PGAP6: variants seen among roughly 807,000 people sequenced by gnomAD.
The protein encoded by PGAP6 is post-GPI attachment to proteins factor 6.
A neutral mutation model predicts 68.4 loss-of-function variants in PGAP6; 62 were observed. That is an observed-to-expected ratio of 0.91 (90% CI 0.74 to 1.12). The LOEUF is 1.12. PGAP6 is among the 50% of genes most tolerant of loss of function. PGAP6 has a pLI of 0.00. For synonymous variants in PGAP6, 575 were observed against 474.0 expected (o/e 1.21, Z -2.77); for missense variants, 1,188 against 1,068.5 (o/e 1.11, Z -1.56).
chr16:378,440 G>A lies in PGAP6; in HGVS notation c.122-592C>T, dbSNP rs878859040. On this transcript the variant is annotated intron_variant, in intron 1 of 12. Transcript: ENST00000431232. ...GCCACCCACACTGCCATCCCCACCC[G>A]CACTGCCATCGCCACCCACACTGCC... is the stretch of plus-strand genomic sequence containing the variant. Among the ~76,000 whole-genome samples the A allele has an allele frequency of 3.5e-4, 20 of 57,412 alleles. 1 individual carries two copies. Among genetic ancestry groups the A allele is most frequent in the Admixed American group, 5.3e-4 (3 of 5,626 alleles). 37.7% of individuals were successfully genotyped at this position (57,412 alleles called of 152,430 possible).
chr16:385,677 T>C (rs1222033725), upstream of PGAP6, among the ~76,000 whole-genome samples: 71 of 121,086 alleles, frequency 5.9e-4, no homozygotes, highest in African/African-American at 2.3e-3. Context: ...CAGGCTGGAG[T>C]GCAGTGGCGC....
Position 381,334 on chromosome 16 carries a change from C to T in PGAP6, c.121+367G>A, listed in dbSNP as rs1006556953. Among the ~76,000 whole-genome samples, 9 of 152,342 alleles carry T rather than the reference C, an allele frequency of 5.9e-5. No individual in the cohort carries two copies. In the South Asian group the frequency reaches 1.7e-3, roughly 28 times the overall value. On this transcript the variant is annotated intron_variant, in intron 1 of 12. Transcript: ENST00000431232. ...TCTCAGGCCGGACCCGGCCGGTGAG[C>T]TCACGGCCCAGCCACTCCTCCCAGC... is the stretch of plus-strand genomic sequence containing the variant.
rs535340088 is a variant in PGAP6, at chr16:372,119, C to G, written c.2184G>C (p.Leu728=). The change falls in exon 13 of 13, where the codon CTG becomes CTC. Residue 728 remains leucine (L), a synonymous_variant. Coordinates refer to ENST00000431232, the MANE Select transcript of PGAP6 (RefSeq NM_021259.3). The part of the protein sequence containing the change: ...YYYTHSIWHI[L]LAGSAALLLP... ...GCAGCAAGGCTGCGCTCCCGGCCAG[C>G]AGGATGTGCCAGATGCTGTGGGTGT... 2 of 1,612,772 alleles carry G rather than the reference C, an allele frequency of 1.2e-6. No homozygotes were observed. Among genetic ancestry groups the G allele is most frequent in the Admixed American group, 1.7e-5 (1 of 59,994 alleles).
At chr16:385,600 A>T (rs138237596), upstream of PGAP6, among the ~76,000 whole-genome samples, 2,639 of 131,906 alleles carry the variant, frequency 0.02, 148 homozygotes, top group African/African-American at 0.063. Flanking sequence ...CATGAGCCAC[A>T]GCGCCCGGCC....
chr16:380,304 T>C (rs12921174), intron 1 of PGAP6, among the ~76,000 whole-genome samples: 68,417 of 151,566 alleles, frequency 0.45, 15,592 homozygotes, highest in South Asian at 0.58. Context: ...CAGCCTCAGC[T>C]TCCTATGTAA....
chr16:375,219 C>T lies in PGAP6; in HGVS notation c.1353G>A (p.Trp451Ter). 1.2e-6 allele frequency: 2 copies of T among 1,613,304 alleles called. No homozygotes were observed. The highest frequency in any genetic ancestry group is 1.7e-6 in the Non-Finnish European group (2 of 1,179,988). ...FQGYPLSLSA[W>*]SRRANLIIPY... ...GGATGATGAGGTTGGCCCTGCGAGA[C>T]CAGGCGCTCAGAGACAAAGGGTAGC... The change falls in exon 8 of 13, where the codon TGG (tryptophan) becomes TGA (stop). Residue 451 changes from tryptophan (W) to a stop codon, truncating the protein, a stop_gained. Transcript: ENST00000431232. LOFTEE classifies it high-confidence loss of function.
chr16:375,614 C>T (rs1302361480), intron 6 of PGAP6, among the ~76,000 whole-genome samples, 179 bp from the exon 7 acceptor site: 2 of 151,730 alleles, frequency 1.3e-5, no homozygotes, highest in Non-Finnish European at 2.9e-5. Flanking sequence ...CTCACTGCAA[C>T]CTCCGCCCCT....
intron 1 of PGAP6, among the ~76,000 whole-genome samples, chr16:380,699 G>C (rs1376008827): frequency 6.6e-6 from 1 of 150,964 alleles, no homozygotes; most frequent in Non-Finnish European, 1.5e-5. Flanking sequence ...GGTCCTCGGG[G>C]AAAACTGCCT....
In PGAP6 at chr16:371,529, C is replaced by G; in HGVS notation, c.*458G>C. The stretch of plus-strand genomic sequence containing the variant: ...CAGGCAGGCTGGCATCAGGGCCACA[C>G]AGGGGCCAGGAGCAGGGGTCTCGGA... On this transcript the variant is annotated 3_prime_UTR_variant, in exon 13 of 13. Coordinates refer to ENST00000431232, the MANE Select transcript of PGAP6 (RefSeq NM_021259.3). The G allele has an allele frequency of 5.7e-6, 1 of 174,208 alleles. No homozygotes were observed. The highest frequency in any genetic ancestry group is 1.2e-5 in the Non-Finnish European group (1 of 81,206). The allele number at this position is 174,208 out of a possible 1,614,324, so 10.8% of individuals were successfully genotyped here. A position where few individuals can be genotyped will look rare whatever the true frequency, so the allele number is the denominator to read the frequency against.
intron 6 of PGAP6, 94 bp from the exon 7 acceptor site, chr16:375,529 CTTTCT>C: frequency 2.0e-6 from 2 of 1,021,216 alleles, no homozygotes; most frequent in Middle Eastern, 3.2e-4. Context: ...GTGCTGGTGC[CTTTCT>C]TTTTTTTTTT....
upstream of PGAP6, chr16:384,326 G>A (rs112865841): frequency 1.3e-5 from 2 of 152,136 alleles, no homozygotes; most frequent in African/African-American, 4.8e-5. Context: ...CTTGAAGGTG[G>A]GTAAGAATCC....
chr16:378,512 G>A (rs450126), intron 1 of PGAP6, among the ~76,000 whole-genome samples: 163 of 1,006 alleles, frequency 0.16, 36 homozygotes, highest in Admixed American at 0.19. Context: ...ATCCCCACCC[G>A]CACTGCCACC....
Position 375,427 on chromosome 16 carries a change from C to A in PGAP6, c.1233G>T (p.Met411Ile). The part of the protein sequence containing the change: ...TISLRANKTE[M>I]RNETVVVACV... ...AGGCCACTACGACGGTCTCGTTCCG[C>A]ATCTCTGTCTGGAAAGGGAGGCGGT... The change falls in exon 7 of 13, where the codon ATG becomes ATT. Residue 411 changes from methionine to isoleucine, a missense_variant. Met to Ile is a conservative substitution (Grantham distance 10, BLOSUM62 1). Transcript: ENST00000431232. 6.2e-7 allele frequency: 1 copy of A among 1,612,266 alleles called. No homozygotes were observed. Among genetic ancestry groups the A allele is most frequent in the Non-Finnish European group, 8.5e-7 (1 of 1,179,952 alleles).
chr16:376,775 CCAG>C lies in PGAP6; in HGVS notation c.670_672del (p.Leu224del), dbSNP rs1323733623. On this transcript the variant is annotated inframe_deletion, in exon 5 of 13. Coordinates refer to ENST00000431232, the MANE Select transcript of PGAP6 (RefSeq NM_021259.3). ...CCATTGGACACGCAGTCCCGCAGCT[CCAG>C]CAGAAGCTCCCGCGTGTAATCGGGG... is the stretch of plus-strand genomic sequence containing the variant. 2.0e-5 allele frequency: 32 copies of C among 1,610,186 alleles called. No homozygotes were observed. The highest frequency in any genetic ancestry group is 2.6e-5 in the Non-Finnish European group (31 of 1,179,910).
rs547389411 is a variant in PGAP6, at chr16:375,225, G to T, written c.1347C>A (p.Ser449Arg). 3.1e-6 allele frequency: 5 copies of T among 1,613,238 alleles called. No individual in the cohort carries two copies. Among genetic ancestry groups the T allele is most frequent in the South Asian group, 1.1e-5 (1 of 91,082 alleles). Residue 449 changes from serine (S) to arginine (R), a missense_variant, in exon 8 of 13, where the codon AGC (serine) becomes AGA (arginine). Ser to Arg is a moderately radical substitution (Grantham distance 110). Coordinates refer to ENST00000431232, the MANE Select transcript of PGAP6 (RefSeq NM_021259.3). ...AFFQGYPLSL[S>R]AWSRRANLII... ...TGAGGTTGGCCCTGCGAGACCAGGC[G>T]CTCAGAGACAAAGGGTAGCCCTGGA...
chr16:376,400 CT>C lies in PGAP6; in HGVS notation c.959del (p.Gln320ArgfsTer57). The C allele has an allele frequency of 6.2e-7, 1 of 1,601,748 alleles. No homozygotes were observed. ...GCAGACCAGAGGAGGCATTGAAGCTCTGGTTTTGGCTGCTCTGCAGAAGGGG... is the reference window on the plus strand; with the variant it reads ...GCAGACCAGAGGAGGCATTGAAGCTCGGTTTTGGCTGCTCTGCAGAAGGGG... ...IQPLLQSSQN[Q>X]SFNASSGLLS... is the part of the protein sequence containing the mutation. On this transcript the variant is annotated frameshift_variant, in exon 6 of 13. Transcript: ENST00000431232. LOFTEE classifies it high-confidence loss of function.
At chr16:378,252 C>CG (rs2054406253) in intron 1 of PGAP6, among the ~76,000 whole-genome samples, 4 of 136,536 alleles carry the variant, frequency 2.9e-5, no homozygotes, top group Non-Finnish European at 3.2e-5. Flanking sequence ...GCACTGCCAT[C>CG]CCCACCCGCA....
At position 375,454 on chromosome 16, in the gene PGAP6, C is replaced by T. The variant is rs763017405; in HGVS notation, c.1225-19G>A. 6.2e-7 allele frequency: 1 copy of T among 1,609,020 alleles called. No homozygotes were observed. On this transcript the variant is annotated intron_variant, in intron 6 of 12. Transcript: ENST00000431232. ...TCTCTGTCTGGAAAGGGAGGCGGTG[C>T]CGGCTCAGCTCCAGCAGCCCCTGGC...
chr16:372,149 G>A lies in PGAP6; in HGVS notation c.2154C>T (p.Tyr718=), dbSNP rs1331288076. The change falls in exon 13 of 13, where the codon TAC becomes TAT. Residue 718 remains tyrosine (Y), a synonymous_variant. Transcript: ENST00000431232. ...IYTSMMTSDN[Y]YYTHSIWHIL... ...TGTGCCAGATGCTGTGGGTGTAGTAGTAGTTGTCGCTAGTCATCATGGAGG... is the reference window on the plus strand; with the variant it reads ...TGTGCCAGATGCTGTGGGTGTAGTAATAGTTGTCGCTAGTCATCATGGAGG... 6 of 1,612,950 alleles carry A rather than the reference G, an allele frequency of 3.7e-6. No homozygotes were observed. Among genetic ancestry groups the A allele is most frequent in the African/African-American group, 1.3e-5 (1 of 75,026 alleles).
Sources: allele counts gnomAD v4.1 joint callset (sites outside exome capture counted in the v4.1 genomes callset), GRCh38; gene constraint gnomAD v4.1.1; transcripts MANE v1.5; gene names NCBI Gene and HGNC (gene_info 2026-07-23, HGNC 2026-07-21).